Variants in PTPRR observed in about 807,000 individuals in gnomAD.
PTPRR encodes protein tyrosine phosphatase receptor type R.
PTPRR carries 38 observed loss-of-function variants against 77.2 expected under a neutral mutation model. The observed-to-expected ratio is 0.49, with a 90% CI of 0.38 to 0.65. PTPRR has a LOEUF of 0.65. Among genes scored for constraint, PTPRR ranks in the 30% least tolerant of loss-of-function variants. PTPRR has a pLI of 0.00. For missense variants in PTPRR, 744 were observed against 799.2 expected (o/e 0.93, Z 0.83); for synonymous variants, 299 against 283.1 (o/e 1.06, Z -0.57).
chr12:70,872,822 C>T (rs950650575), intron 2 of PTPRR, among the ~76,000 whole-genome samples: 9 of 150,612 alleles, frequency 6.0e-5, no homozygotes, highest in Non-Finnish European at 8.8e-5. Context: ...TATTCATAGA[C>T]AGTAACTCAG....
chr12:70,720,691 C>T lies in PTPRR; in HGVS notation c.1008-19368G>A, dbSNP rs561884010. On this transcript the variant is annotated intron_variant, in intron 6 of 13. Coordinates refer to ENST00000283228, the MANE Select transcript of PTPRR (RefSeq NM_002849.4). ...TAGAGACAGGGTTTCTCCATGTTGC[C>T]CAGGCTGGTCTTGAACTGGTCTCAA... Among the ~76,000 whole-genome samples, 3 of 151,964 alleles carry T rather than the reference C, an allele frequency of 2.0e-5. No individual in the cohort carries two copies. In the South Asian group the frequency reaches 6.2e-4, roughly 32 times the overall value.
chr12:70,873,380 T>C (rs1892994299), intron 2 of PTPRR, among the ~76,000 whole-genome samples: 1 of 152,194 alleles, frequency 6.6e-6, no homozygotes, highest in African/African-American at 2.4e-5. Flanking sequence ...CTAGGGATTT[T>C]ATTTACACTG....
chr12:70,721,742 C>T lies in PTPRR; in HGVS notation c.1008-20419G>A, dbSNP rs1273691518. On this transcript the variant is annotated intron_variant, in intron 6 of 13. Coordinates refer to ENST00000283228, the MANE Select transcript of PTPRR (RefSeq NM_002849.4). ...CCCGTTTAATCTTTATTTCACAGGC[C>T]TAGCTTTTCTATGGAAGATACCGTA... is the stretch of plus-strand genomic sequence containing the variant. Among the ~76,000 whole-genome samples, 6 of 152,192 alleles carry T rather than the reference C, an allele frequency of 3.9e-5. No individual in the cohort carries two copies. The South Asian group carries it at 1.2e-3, about 32-fold the overall frequency.
intron 2 of PTPRR, among the ~76,000 whole-genome samples, chr12:70,833,740 C>T (rs1201416459): frequency 6.6e-6 from 1 of 152,108 alleles, no homozygotes; most frequent in African/African-American, 2.4e-5. Context: ...TATGTGGCAA[C>T]CTGATGAAAG....
chr12:70,704,408 G>A (rs1888542034), intron 6 of PTPRR, among the ~76,000 whole-genome samples: 1 of 151,802 alleles, frequency 6.6e-6, no homozygotes, highest in Admixed American at 6.6e-5. Context: ...GTGACAGAGT[G>A]AGACCCCATG....
At chr12:70,787,553 C>T (rs1193078069) in intron 2 of PTPRR, among the ~76,000 whole-genome samples, 1 of 152,132 alleles carries the variant, frequency 6.6e-6, no homozygotes. Flanking sequence ...ATAAACATTA[C>T]AAGAAAATCA....
intron 2 of PTPRR, among the ~76,000 whole-genome samples, chr12:70,872,007 A>G (rs2137092252): frequency 6.6e-6 from 1 of 152,316 alleles, no homozygotes; most frequent in Non-Finnish European, 1.5e-5. Flanking sequence ...TGTAAAAACA[A>G]ACATTTGTCT....
chr12:70,769,251 C>T (rs1305306618), intron 2 of PTPRR, among the ~76,000 whole-genome samples: 2 of 150,824 alleles, frequency 1.3e-5, no homozygotes, highest in African/African-American at 4.9e-5. Context: ...GATTGTATAT[C>T]TAGAAAACCC....
chr12:70,910,257 T>C (rs1339716380), intron 1 of PTPRR, among the ~76,000 whole-genome samples: 1 of 152,172 alleles, frequency 6.6e-6, no homozygotes, highest in Non-Finnish European at 1.5e-5. Context: ...ATTAGCTTTT[T>C]AAATGGGAGA....
chr12:70,865,007 G>A (rs911499719), intron 2 of PTPRR, among the ~76,000 whole-genome samples: 2 of 152,202 alleles, frequency 1.3e-5, no homozygotes, highest in African/African-American at 4.8e-5. Context: ...TACAGACGGG[G>A]TTTTACCATG....
intron 2 of PTPRR, among the ~76,000 whole-genome samples, chr12:70,879,048 A>G (rs1338592591): frequency 6.6e-6 from 1 of 152,164 alleles, no homozygotes; most frequent in Non-Finnish European, 1.5e-5. Flanking sequence ...TGGGAATTGA[A>G]CAATGAGAAC....
chr12:70,837,649 G>A (rs1892327154), intron 2 of PTPRR, among the ~76,000 whole-genome samples: 1 of 152,092 alleles, frequency 6.6e-6, no homozygotes, highest in African/African-American at 2.4e-5. Flanking sequence ...CCCTCTCTGG[G>A]TATGCCACCC....
intron 13 of PTPRR, among the ~76,000 whole-genome samples, chr12:70,641,922 T>C (rs1192124758): frequency 1.3e-5 from 2 of 152,200 alleles, no homozygotes; most frequent in East Asian, 3.8e-4. Flanking sequence ...CCTATAATCT[T>C]TTCTTCTTTA....
intron 5 of PTPRR, among the ~76,000 whole-genome samples, chr12:70,749,442 T>C (rs1890317944): frequency 6.6e-6 from 1 of 152,142 alleles, no homozygotes; most frequent in South Asian, 2.1e-4. Context: ...AAGTGTGCAA[T>C]AAATGGAAGA....
chr12:70,639,305 G>GCTAA (rs1885904409), intron 13 of PTPRR, 28 bp from the exon 14 acceptor site: 3 of 1,604,420 alleles, frequency 1.9e-6, no homozygotes, highest in Non-Finnish European at 2.6e-6. Flanking sequence ...TAAAATAACT[G>GCTAA]ATTTTGCTAA....
intron 10 of PTPRR, chr12:70,672,308 A>T: frequency 6.3e-7 from 1 of 1,582,822 alleles, no homozygotes; most frequent in Non-Finnish European, 8.7e-7. Flanking sequence ...CACGGAACCG[A>T]TCAACTTCAG....
chr12:70,685,473 C>CAAAA lies in PTPRR; in HGVS notation c.1280-694_1280-691dup, dbSNP rs61205959. Among the ~76,000 whole-genome samples the CAAAA allele has an allele frequency of 1.3e-3, 82 of 60,968 alleles. 4 individuals carry two copies. The highest frequency in any genetic ancestry group is 3.1e-3 in the Admixed American group (15 of 4,860). The allele number at this position is 60,968 out of a possible 152,430, so 40.0% of individuals were successfully genotyped here. A position where few individuals can be genotyped will look rare whatever the true frequency, so the allele number is the denominator to read the frequency against. On this transcript the variant is annotated intron_variant, in intron 8 of 13. Transcript: ENST00000283228. The stretch of plus-strand genomic sequence containing the variant: ...TAGGCAACATAGTGAGACTTCATCT[C>CAAAA]AAAAAAAAAAAAAAAAAAAAAAAAA...
At chr12:70,848,119 A>G (rs1892514974) in intron 2 of PTPRR, among the ~76,000 whole-genome samples, 1 of 152,188 alleles carries the variant, frequency 6.6e-6, no homozygotes, top group Admixed American at 6.6e-5. Flanking sequence ...GAATGTCATT[A>G]AAATTCACTT....
chr12:70,707,092 C>T (rs1018047882), intron 6 of PTPRR, among the ~76,000 whole-genome samples: 1 of 152,098 alleles, frequency 6.6e-6, no homozygotes, highest in Non-Finnish European at 1.5e-5. Flanking sequence ...TAAGAGTTAG[C>T]AGCAGTATCA....
Sources: allele counts gnomAD v4.1 joint callset (sites outside exome capture counted in the v4.1 genomes callset), GRCh38; gene constraint gnomAD v4.1.1; transcripts MANE v1.5; gene names NCBI Gene and HGNC (gene_info 2026-07-23, HGNC 2026-07-21).